Variants in POC5 observed in about 807,000 individuals in gnomAD.
POC5 encodes centrosomal protein POC5.
Under a neutral mutation model 62.9 loss-of-function variants are expected in POC5, and 48 were observed. The observed-to-expected ratio is 0.76, with a 90% confidence interval of 0.61 to 0.97. The LOEUF (loss-of-function observed/expected upper bound fraction) is 0.97. Ranked by LOEUF, POC5 falls within the 50% of genes least tolerant of loss-of-function variation. The probability of loss-of-function intolerance (pLI) is 0.00; values close to 1 mark genes in which losing one functional copy is unlikely to be tolerated. For synonymous variants in POC5, 236 were observed against 228.2 expected (o/e 1.03, Z -0.31); for missense variants, 696 against 679.5 (o/e 1.02, Z -0.27).
intron 5 of POC5, among the ~76,000 whole-genome samples, chr5:75,701,978 CA>C (rs1776904917): frequency 6.6e-6 from 1 of 152,182 alleles, no homozygotes; most frequent in African/African-American, 2.4e-5. Flanking sequence ...GTCTCAGTTA[CA>C]CACAGGCTGA....
At chr5:75,687,551 T>A (rs1561465806) in intron 9 of POC5, among the ~76,000 whole-genome samples, 1 of 152,212 alleles carries the variant, frequency 6.6e-6, no homozygotes, top group Non-Finnish European at 1.5e-5. Flanking sequence ...GTTTCAAAAG[T>A]AACAGGAGCA....
At position 75,685,209 on chromosome 5, in the gene POC5, T is replaced by C; in HGVS notation, c.1405A>G (p.Met469Val). The C allele has an allele frequency of 1.2e-6, 2 of 1,607,462 alleles. No individual in the cohort carries two copies. The highest frequency in any genetic ancestry group is 1.3e-5 in the African/African-American group (1 of 74,954). Residue 469 changes from methionine to valine, a missense_variant and splice_region_variant, in exon 10 of 12, where the codon ATG (methionine) becomes GTG (valine). Met to Val is a conservative substitution (Grantham distance 21). Coordinates refer to ENST00000428202, the MANE Select transcript of POC5 (RefSeq NM_001099271.2). ...GGACCTGTATAAACTGTACTAACCA[T>C]TTCTTCTGATGCAGCAGTAGCTGCA... ...GSAATAASEE[M>V]YVPRVVTSAQ...
At chr5:75,699,064 T>G (rs1201705919) in intron 5 of POC5, among the ~76,000 whole-genome samples, 3 of 152,128 alleles carry the variant, frequency 2.0e-5, no homozygotes, top group Non-Finnish European at 4.4e-5. Flanking sequence ...GCTGATATTG[T>G]GGCAATAATC....
chr5:75,710,002 C>A (rs756285114), intron 2 of POC5, among the ~76,000 whole-genome samples: 2 of 152,172 alleles, frequency 1.3e-5, no homozygotes, highest in Non-Finnish European at 2.9e-5. Context: ...ATGATGTGTA[C>A]AACTTTAGGT....
chr5:75,689,120 G>T lies in POC5; in HGVS notation c.1021C>A (p.Gln341Lys), dbSNP rs762552076. The change falls in exon 9 of 12, where the codon CAA becomes AAA. Residue 341 changes from glutamine (Q) to lysine (K), a missense_variant. Transcript: ENST00000428202. ...ENAKAEIQRM[Q>K]HEKEHFEDSM... ...TCTTCAAAGTGCTCTTTTTCATGTT[G>T]CATTCTTTGAATCTCAGCTTTTGCA... 6.3e-7 allele frequency: 1 copy of T among 1,580,782 alleles called. No homozygotes were observed. Among genetic ancestry groups the T allele is most frequent in the East Asian group, 2.3e-5 (1 of 44,090 alleles).
chr5:75,696,165 T>G (rs1776573423), intron 5 of POC5: 1 of 159,028 alleles, frequency 6.3e-6, no homozygotes, highest in African/African-American at 2.4e-5. Flanking sequence ...CAGGCTTGCT[T>G]AGGTAAACAA....
intron 9 of POC5, among the ~76,000 whole-genome samples, chr5:75,687,466 T>G (rs1776144763): frequency 6.6e-6 from 1 of 152,216 alleles, no homozygotes; most frequent in South Asian, 2.1e-4. Flanking sequence ...ATACTGAACT[T>G]TTTTGCCTTT....
intron 1 of POC5, among the ~76,000 whole-genome samples, chr5:75,716,378 A>C (rs1296546030): frequency 8.9e-5 from 1 of 11,260 alleles, no homozygotes; most frequent in Non-Finnish European, 1.5e-4. Context: ...GGCAGGTAAC[A>C]GGGGTGGGGG....
At chr5:75,713,005 C>G in intron 1 of POC5, 54 bp from the exon 2 acceptor site, 1 of 1,282,512 alleles carries the variant, frequency 7.8e-7, no homozygotes, top group Non-Finnish European at 1.1e-6. Flanking sequence ...AAGATAAAAT[C>G]CTTTCCAGAT....
At position 75,717,376 on chromosome 5, in the gene POC5, G is replaced by GC. The variant is rs1217427323; in HGVS notation, c.-86dup. 2 of 152,276 alleles carry GC rather than the reference G, an allele frequency of 1.3e-5. No individual in the cohort carries two copies. The highest frequency in any genetic ancestry group is 2.9e-5 in the Non-Finnish European group (2 of 68,082). 9.4% of individuals were successfully genotyped at this position (152,276 alleles called of 1,614,324 possible). On this transcript the variant is annotated 5_prime_UTR_variant, in exon 1 of 12. Transcript: ENST00000428202. ...TAGCCGCGTCGCAGCTGCAGTGTCA[G>GC]CAAGTGCAGCCTCAGCAAGCACAAC...
At chr5:75,676,420 T>C (rs1189295742) in intron 11 of POC5, among the ~76,000 whole-genome samples, 1 of 152,226 alleles carries the variant, frequency 6.6e-6, no homozygotes, top group Non-Finnish European at 1.5e-5. Flanking sequence ...GTCATCTCCA[T>C]GTCTCTATCT....
intron 5 of POC5, among the ~76,000 whole-genome samples, chr5:75,697,324 CA>C (rs1255693468): frequency 1.3e-5 from 2 of 152,094 alleles, no homozygotes; most frequent in Non-Finnish European, 2.9e-5. Flanking sequence ...GGGTTACCCT[CA>C]AAGGGAAGCC....
chr5:75,691,406 C>T (rs1285644335), intron 7 of POC5, among the ~76,000 whole-genome samples: 1 of 152,152 alleles, frequency 6.6e-6, no homozygotes, highest in Non-Finnish European at 1.5e-5. Context: ...GTCAGCATGA[C>T]ACCACAAGTG....
chr5:75,713,098 G>A (rs922838651), intron 1 of POC5, 147 bp from the exon 2 acceptor site: 1 of 600,650 alleles, frequency 1.7e-6, no homozygotes, highest in Non-Finnish European at 2.9e-6. Flanking sequence ...AGTACCTACA[G>A]GCAAAAAATC....
At position 75,677,873 on chromosome 5, in the gene POC5, A is replaced by C; in HGVS notation, c.1485T>G (p.Asp495Glu). ...TGCTAATTCTATTTTTTGAAGCAAAATCACATCTTCCTGTGATCCGGGCTG... is the reference window on the plus strand; with the variant it reads ...TGCTAATTCTATTTTTTGAAGCAAACTCACATCTTCCTGTGATCCGGGCTG... Reference protein sequence around the residue: ...TITARITGRCDFASKNRISSS... With the variant: ...TITARITGRCEFASKNRISSS... The change falls in exon 11 of 12, where the codon GAT becomes GAG. Residue 495 changes from aspartate to glutamate, a missense_variant. Physicochemically the swap from Asp to Glu is conservative, Grantham distance 45. Coordinates refer to ENST00000428202, the MANE Select transcript of POC5 (RefSeq NM_001099271.2). The C allele has an allele frequency of 6.2e-7, 1 of 1,611,636 alleles. No homozygotes were observed. Among genetic ancestry groups the C allele is most frequent in the Non-Finnish European group, 8.5e-7 (1 of 1,178,770 alleles).
chr5:75,689,303 A>G (rs918248084), intron 8 of POC5, 138 bp from the exon 9 acceptor site: 2 of 1,319,198 alleles, frequency 1.5e-6, no homozygotes, highest in Non-Finnish European at 1.9e-6. Context: ...GCTATGTGCA[A>G]TTTATTTTAA....
intron 2 of POC5, among the ~76,000 whole-genome samples, chr5:75,708,509 T>C (rs769096673): frequency 5.9e-5 from 9 of 152,206 alleles, no homozygotes; most frequent in Non-Finnish European, 1.3e-4. Flanking sequence ...AAAAAAATTA[T>C]GTAACCTAAA....
At chr5:75,674,716 C>T (rs1197570283) in intron 11 of POC5, 138 bp from the exon 12 acceptor site, 3 of 1,130,350 alleles carry the variant, frequency 2.7e-6, no homozygotes, top group East Asian at 2.4e-5. Flanking sequence ...TGGAGTGAAG[C>T]AGCTGTTAAT....
chr5:75,678,930 G>A (rs576309493), intron 10 of POC5, among the ~76,000 whole-genome samples: 1 of 152,044 alleles, frequency 6.6e-6, no homozygotes, highest in African/African-American at 2.4e-5. Context: ...TTAAGTCTGA[G>A]GTGAAATCTA....
Sources: gnomAD v4.1 joint callset for allele counts (sites outside exome capture counted in the v4.1 genomes callset) on GRCh38, gnomAD v4.1.1 for gene constraint, MANE v1.5 for transcripts, NCBI Gene and HGNC (gene_info 2026-07-23, HGNC 2026-07-21) for gene names.